CRYBG1: variants seen among roughly 807,000 people sequenced by gnomAD.
CRYBG1 encodes beta/gamma crystallin domain-containing protein 1.
CRYBG1 carries 139 observed loss-of-function variants against 189.2 expected under a neutral mutation model. The ratio of observed to expected loss-of-function variants is 0.73; its 90% CI spans 0.64 to 0.85. The LOEUF (loss-of-function observed/expected upper bound fraction) is 0.85, where lower values mean the gene tolerates loss of function less well. Ranked by LOEUF, CRYBG1 falls within the 40% of genes least tolerant of loss-of-function variation. The probability of loss-of-function intolerance (pLI) is 0.00; values close to 1 mark genes in which losing one functional copy is unlikely to be tolerated. For missense variants in CRYBG1, 2,611 were observed against 2,675.8 expected (o/e 0.98, Z 0.53); for synonymous variants, 1,023 against 1,017.1 (o/e 1.01, Z -0.11).
At chr6:106,493,569 T>G in intron 2 of CRYBG1, among the ~76,000 whole-genome samples, 1 of 152,164 alleles carries the variant, frequency 6.6e-6, no homozygotes, top group East Asian at 1.9e-4. Flanking sequence ...TTCACAATAG[T>G]CAAGAGAAGG....
intron 2 of CRYBG1, among the ~76,000 whole-genome samples, chr6:106,491,302 T>C (rs531884587): frequency 5.3e-5 from 8 of 152,288 alleles, no homozygotes; most frequent in African/African-American, 1.4e-4. Flanking sequence ...CAGGTAGATG[T>C]GTCTTTTGTC....
rs550550585 is a variant in CRYBG1, at chr6:106,565,316, G to A, written c.6301+1390G>A. ...AGCCTAGGCGACAGGGCAAGACTTCGTCTCAAAAAAAAAAAAGTTGTAGGG... is the reference window on the plus strand; with the variant it reads ...AGCCTAGGCGACAGGGCAAGACTTCATCTCAAAAAAAAAAAAGTTGTAGGG... On this transcript the variant is annotated intron_variant, in intron 21 of 21. Coordinates refer to ENST00000633556, the MANE Select transcript of CRYBG1 (RefSeq NM_001371242.2). Among the ~76,000 whole-genome samples, 23 of 25,402 alleles carry A rather than the reference G, an allele frequency of 9.1e-4. No individual in the cohort carries two copies. In the East Asian group the frequency reaches 0.033, roughly 37 times the overall value. The allele number at this position is 25,402 out of a possible 152,430, so 16.7% of individuals were successfully genotyped here. A position where few individuals can be genotyped will look rare whatever the true frequency, so the allele number is the denominator to read the frequency against.
In CRYBG1 at chr6:106,558,967, TA is replaced by T. The variant is rs112971965; in HGVS notation, c.5855+354del. Among the ~76,000 whole-genome samples, 843 of 147,192 alleles carry T rather than the reference TA, an allele frequency of 5.7e-3. 9 individuals are homozygous for T. The highest frequency in any genetic ancestry group is 0.018 in the African/African-American group (736 of 40,516). The stretch of plus-strand genomic sequence containing the variant: ...GACAAAGCAAGACCCTATCTTAATT[TA>T]AAAAAAAAAAATTGATCAGATTTCT... On this transcript the variant is annotated intron_variant, in intron 18 of 21. Coordinates refer to ENST00000633556, the MANE Select transcript of CRYBG1 (RefSeq NM_001371242.2).
At position 106,519,335 on chromosome 6, in the gene CRYBG1, A is replaced by G. The variant is rs1259089725; in HGVS notation, c.2127A>G (p.Lys709=). 6.2e-7 allele frequency: 1 copy of G among 1,614,158 alleles called. No individual in the cohort carries two copies. The highest frequency in any genetic ancestry group is 8.5e-7 in the Non-Finnish European group (1 of 1,180,022). ...RGQRNTPASS[K]TFVGRAKLNL... Reference sequence around the variant, plus strand: ...AAAGGAATACTCCTGCCTCTAGTAAAACGTTTGTTGGGAGGGCAAAGCTGA... The same window carrying G: ...AAAGGAATACTCCTGCCTCTAGTAAGACGTTTGTTGGGAGGGCAAAGCTGA... Residue 709 remains lysine (K), a synonymous_variant, in exon 4 of 22, where the codon AAA becomes AAG. Coordinates refer to ENST00000633556, the MANE Select transcript of CRYBG1 (RefSeq NM_001371242.2).
Position 106,399,328 on chromosome 6 carries a change from G to A in CRYBG1, c.173+38247G>A, listed in dbSNP as rs144682779. Among the ~76,000 whole-genome samples the A allele has an allele frequency of 2.8e-3, 428 of 152,240 alleles. 2 individuals are homozygous for A. The highest frequency in any genetic ancestry group is 9.9e-3 in the African/African-American group (411 of 41,526). Reference sequence around the variant, plus strand: ...AACTTTCCACCCTTTAATCATATAAGTTATCATTTATCTCATGCTTTAGTT... The same window carrying A: ...AACTTTCCACCCTTTAATCATATAAATTATCATTTATCTCATGCTTTAGTT... On this transcript the variant is annotated intron_variant, in intron 1 of 21. Transcript: ENST00000633556.
At chr6:106,406,646 G>T (rs545558758) in intron 1 of CRYBG1, among the ~76,000 whole-genome samples, 15 of 152,174 alleles carry the variant, frequency 9.9e-5, no homozygotes, top group Non-Finnish European at 1.6e-4. Context: ...AGAAAGGTCG[G>T]GTTACCAACA....
intron 1 of CRYBG1, chr6:106,420,894 G>A (rs900982859): frequency 1.3e-5 from 2 of 152,366 alleles, no homozygotes; most frequent in African/African-American, 4.8e-5. Context: ...TCCATGTATG[G>A]GTAGAGCCTC....
In CRYBG1 at chr6:106,512,563, G is replaced by C. The variant is rs1022352209; in HGVS notation, c.1446G>C (p.Ala482=). 9 of 1,607,068 alleles carry C rather than the reference G, an allele frequency of 5.6e-6. No homozygotes were observed. Among genetic ancestry groups the C allele is most frequent in the Admixed American group, 1.7e-5 (1 of 59,406 alleles). The change falls in exon 3 of 22, where the codon GCG becomes GCC. Residue 482 remains alanine (A), a synonymous_variant. Transcript: ENST00000633556. ...AALDGGVASA[A]SPESKPSPGT... ...TCGACGGGGGCGTTGCCTCCGCTGC[G>C]AGCCCAGAGTCCAAGCCCAGCCCCG...
intron 10 of CRYBG1, among the ~76,000 whole-genome samples, chr6:106,542,676 G>C (rs7776130): frequency 0.024 from 3,544 of 144,662 alleles, 136 homozygotes; most frequent in African/African-American, 0.086. Flanking sequence ...TTTGAGACAA[G>C]AGTTTCACTC....
intron 8 of CRYBG1, among the ~76,000 whole-genome samples, chr6:106,537,747 C>T (rs1051898113): frequency 1.3e-5 from 2 of 152,180 alleles, no homozygotes; most frequent in African/African-American, 4.8e-5. Context: ...GTCCTCACGC[C>T]CTCTTCCCCA....
chr6:106,457,676 T>C (rs1197957235), intron 2 of CRYBG1, among the ~76,000 whole-genome samples: 1 of 152,206 alleles, frequency 6.6e-6, no homozygotes, highest in Non-Finnish European at 1.5e-5. Context: ...TTGTCCCAAA[T>C]TTCTGCTTTC....
chr6:106,500,433 C>A (rs75317694), intron 2 of CRYBG1, among the ~76,000 whole-genome samples: 72 of 144,796 alleles, frequency 5.0e-4, no homozygotes, highest in Middle Eastern at 3.6e-3. Context: ...AAAAAAAAAA[C>A]AAAAAAAAAA....
intron 2 of CRYBG1, among the ~76,000 whole-genome samples, chr6:106,490,269 G>C (rs1219980917): frequency 6.6e-6 from 1 of 152,224 alleles, no homozygotes; most frequent in Non-Finnish European, 1.5e-5. Context: ...AGCAACAACT[G>C]TGGCATAACC....
At chr6:106,434,152 AAGAG>A (rs35292541) in intron 1 of CRYBG1, among the ~76,000 whole-genome samples, 33 of 148,652 alleles carry the variant, frequency 2.2e-4, no homozygotes, top group African/African-American at 5.0e-4. Flanking sequence ...ATCAGAGAGA[AAGAG>A]AGAGAGAGAG....
At position 106,520,063 on chromosome 6, in the gene CRYBG1, G is replaced by C. The variant is rs1773553959; in HGVS notation, c.2855G>C (p.Arg952Thr). 3 of 1,614,178 alleles carry C rather than the reference G, an allele frequency of 1.9e-6. No individual in the cohort carries two copies. Among genetic ancestry groups the C allele is most frequent in the Non-Finnish European group, 2.5e-6 (3 of 1,180,036 alleles). ...GCTGTGGGAAGTGAGTGTCCATCCA[G>C]AGTCCTCGTCCAGGTCAGGTCCTTC... ...PEAVGSECPS[R>T]VLVQVRSFVL... Residue 952 changes from arginine (R) to threonine (T), a missense_variant, in exon 4 of 22, where the codon AGA becomes ACA. Physicochemically the swap from Arg to Thr is moderately conservative, Grantham distance 71. Transcript: ENST00000633556.
chr6:106,497,955 G>T (rs576564747), intron 2 of CRYBG1, among the ~76,000 whole-genome samples: 1 of 152,112 alleles, frequency 6.6e-6, no homozygotes, highest in South Asian at 2.1e-4. Flanking sequence ...ATTAAAAATA[G>T]CTGGGCGTGG....
chr6:106,361,682 T>C (rs1032903725), intron 1 of CRYBG1, among the ~76,000 whole-genome samples: 10 of 152,348 alleles, frequency 6.6e-5, no homozygotes, highest in African/African-American at 2.4e-4. Context: ...AAAACTGTAG[T>C]TACCATTGTG....
intron 2 of CRYBG1, among the ~76,000 whole-genome samples, chr6:106,455,522 T>G: frequency 6.6e-6 from 1 of 151,626 alleles, no homozygotes; most frequent in Non-Finnish European, 1.5e-5. Flanking sequence ...TATTGAGTAA[T>G]GTATTATTAA....
rs11436461 is a variant in CRYBG1, at chr6:106,545,687, C to CTT, written c.5312+762_5312+763dup. ...ACATTCAGCTTTTGTTCTCCTAACTCTTTTTTTTTGAGGCAGAGTTTCACT... is the reference window on the plus strand; with the variant it reads ...ACATTCAGCTTTTGTTCTCCTAACTCTTTTTTTTTTTGAGGCAGAGTTTCACT... On this transcript the variant is annotated intron_variant, in intron 13 of 21. Coordinates refer to ENST00000633556, the MANE Select transcript of CRYBG1 (RefSeq NM_001371242.2). Among the ~76,000 whole-genome samples, 71 of 150,630 alleles carry CTT rather than the reference C, an allele frequency of 4.7e-4. 1 individual carries two copies. In the South Asian group the frequency reaches 9.2e-3, roughly 20 times the overall value.
Sources: gnomAD v4.1 joint callset for allele counts (sites outside exome capture counted in the v4.1 genomes callset) on GRCh38, gnomAD v4.1.1 for gene constraint, MANE v1.5 for transcripts, NCBI Gene and HGNC (gene_info 2026-07-23, HGNC 2026-07-21) for gene names.